ANK2: variants seen among roughly 807,000 people sequenced by gnomAD.
ANK2 encodes the protein ankyrin 2.
A neutral mutation model predicts 360.5 loss-of-function variants in ANK2; 83 were observed. That is an observed-to-expected ratio of 0.23 (90% CI 0.19 to 0.28). The LOEUF (loss-of-function observed/expected upper bound fraction) is 0.28. Among genes scored for constraint, ANK2 ranks in the 10% least tolerant of loss-of-function variants. ANK2 has a pLI of 1.00. For missense variants in ANK2, 4,201 were observed against 4,795.7 expected (o/e 0.88, Z 3.66); for synonymous variants, 1,740 against 1,759.5 (o/e 0.99, Z 0.28).
chr4:113,272,205 G>A (rs1041788782), intron 14 of ANK2, among the ~76,000 whole-genome samples: 1 of 152,122 alleles, frequency 6.6e-6, no homozygotes, highest in Non-Finnish European at 1.5e-5. Context: ...AAGGAGCTGG[G>A]GCTCAGCAAG....
intron 2 of ANK2, among the ~76,000 whole-genome samples, chr4:112,949,728 G>C (rs914591287): frequency 2.0e-5 from 3 of 152,138 alleles, no homozygotes; most frequent in African/African-American, 7.2e-5. Context: ...TTGTCATCTT[G>C]GTCTGGAATA....
At chr4:112,962,084 T>G (rs2035101605) in intron 2 of ANK2, among the ~76,000 whole-genome samples, 1 of 152,168 alleles carries the variant, frequency 6.6e-6, no homozygotes, top group Non-Finnish European at 1.5e-5. Flanking sequence ...ATTTTTGTCT[T>G]TGTTTTTCCA....
chr4:113,024,008 T>C (rs2058722984), intron 2 of ANK2, among the ~76,000 whole-genome samples: 1 of 152,192 alleles, frequency 6.6e-6, no homozygotes, highest in South Asian at 2.1e-4. Context: ...CCTTTCTTCC[T>C]AGGGCTTACA....
chr4:113,231,040 ATTTTCTTTTTTTTTT>A (rs1188003875), intron 4 of ANK2, among the ~76,000 whole-genome samples: 9 of 148,786 alleles, frequency 6.0e-5, no homozygotes, highest in Non-Finnish European at 1.0e-4. Context: ...AGACTTTTAC[ATTTTCTTTTTTTTTT>A]TTTTCTTTTT....
At chr4:113,190,774 A>G (rs1411279022) in intron 2 of ANK2, among the ~76,000 whole-genome samples, 1 of 152,212 alleles carries the variant, frequency 6.6e-6, no homozygotes, top group Admixed American at 6.5e-5. Flanking sequence ...TTAAGCACTT[A>G]GAACAGAACC....
intron 2 of ANK2, among the ~76,000 whole-genome samples, chr4:113,015,939 A>C (rs2056484942): frequency 6.6e-6 from 1 of 152,244 alleles, no homozygotes; most frequent in Non-Finnish European, 1.5e-5. Context: ...AATATTGGCA[A>C]AACATACACA....
chr4:112,840,976 C>A (rs542097759), intron 1 of ANK2, among the ~76,000 whole-genome samples: 1 of 152,306 alleles, frequency 6.6e-6, no homozygotes, highest in East Asian at 1.9e-4. Context: ...CCATATCTTT[C>A]AGCTTTTCAC....
chr4:113,266,335 T>A (rs2056029356), intron 14 of ANK2, among the ~76,000 whole-genome samples: 2 of 152,232 alleles, frequency 1.3e-5, no homozygotes, highest in African/African-American at 4.8e-5. Context: ...TGTGCCACAT[T>A]TTCTTTATCC....
At chr4:112,958,935 G>A (rs568880875) in intron 2 of ANK2, among the ~76,000 whole-genome samples, 13 of 151,762 alleles carry the variant, frequency 8.6e-5, no homozygotes, top group African/African-American at 2.2e-4. Context: ...TGCAACTTCC[G>A]CCTCCTGGGT....
At chr4:112,883,842 TA>T (rs201718641) in intron 1 of ANK2, among the ~76,000 whole-genome samples, 5,984 of 149,262 alleles carry the variant, frequency 0.04, 422 homozygotes, top group East Asian at 0.3. Context: ...TAAATATATA[TA>T]AAAATATCAT....
At position 113,382,673 on chromosome 4, in the gene ANK2, TC is replaced by T. The variant is rs2097191032; in HGVS notation, c.*1203del. ...TTTTTTTCTTCAGGTTTATATCTTC[TC>T]TAATACCTGCATGTGGCGTTTAAAA... On this transcript the variant is annotated 3_prime_UTR_variant, in exon 46 of 46. Transcript: ENST00000357077. 6.6e-6 allele frequency: 1 copy of T among 152,192 alleles called. No individual in the cohort carries two copies. Among genetic ancestry groups the T allele is most frequent in the Non-Finnish European group, 1.5e-5 (1 of 67,996 alleles). 9.4% of individuals were successfully genotyped at this position (152,192 alleles called of 1,614,324 possible).
intron 1 of ANK2, among the ~76,000 whole-genome samples, chr4:112,821,891 C>G (rs1206260890): frequency 6.6e-6 from 1 of 151,946 alleles, no homozygotes; most frequent in Non-Finnish European, 1.5e-5. Context: ...CTCAGCCCCA[C>G]CAAATAGCTG....
At chr4:113,274,938 A>G (rs981449980) in intron 15 of ANK2, among the ~76,000 whole-genome samples, 17 of 152,226 alleles carry the variant, frequency 1.1e-4, no homozygotes, top group Admixed American at 1.1e-3. Context: ...TATAAAATCC[A>G]TAATATATTC....
intron 2 of ANK2, among the ~76,000 whole-genome samples, chr4:112,959,231 C>T (rs2033319884): frequency 6.6e-6 from 1 of 151,918 alleles, no homozygotes; most frequent in South Asian, 2.1e-4. Flanking sequence ...GAATAGTGAA[C>T]ATTGTATCCA....
upstream of ANK2, among the ~76,000 whole-genome samples, chr4:113,046,192 A>G (rs1307183992): frequency 1.3e-5 from 2 of 152,164 alleles, no homozygotes; most frequent in African/African-American, 4.8e-5. Flanking sequence ...TGTCAGAGAG[A>G]TATTTACCCC....
chr4:113,293,393 A>T (rs1587439321), intron 21 of ANK2, 47 bp from the exon 22 acceptor site: 1 of 1,529,448 alleles, frequency 6.5e-7, no homozygotes, highest in Non-Finnish European at 9.0e-7. Context: ...CTCACATCGC[A>T]GTCCTCTCTC....
intron 2 of ANK2, among the ~76,000 whole-genome samples, chr4:112,969,164 C>G (rs889970614): frequency 1.3e-5 from 2 of 152,204 alleles, no homozygotes; most frequent in African/African-American, 2.4e-5. Flanking sequence ...ATGATGGTAT[C>G]TAAACCCTTC....
chr4:113,128,306 C>T (rs888110861), intron 1 of ANK2, among the ~76,000 whole-genome samples: 2 of 152,220 alleles, frequency 1.3e-5, no homozygotes, highest in African/African-American at 2.4e-5. Context: ...TAAATGCACA[C>T]GTATACGAAA....
chr4:112,751,149 A>G, the ANK2 span, among the ~76,000 whole-genome samples: 1 of 152,136 alleles, frequency 6.6e-6, no homozygotes, highest in Non-Finnish European at 1.5e-5. Context: ...CTTATGCTAC[A>G]TGGTATTGTC....
Sources: allele counts gnomAD v4.1 joint callset (sites outside exome capture counted in the v4.1 genomes callset), GRCh38; gene constraint gnomAD v4.1.1; transcripts MANE v1.5; gene names NCBI Gene and HGNC (gene_info 2026-07-23, HGNC 2026-07-21).